Variants in MAML2 observed in about 807,000 individuals in gnomAD.
The protein encoded by MAML2 is mastermind like transcriptional coactivator 2, also known as mastermind-like protein 2.
MAML2 carries 22 observed loss-of-function variants against 96.1 expected under a neutral mutation model. The ratio of observed to expected loss-of-function variants is 0.23; its 90% CI spans 0.16 to 0.33. The LOEUF (loss-of-function observed/expected upper bound fraction) is 0.33, where lower values mean the gene tolerates loss of function less well. Ranked by LOEUF, MAML2 falls within the 10% of genes least tolerant of loss-of-function variation. MAML2 has a pLI of 1.00. For missense variants in MAML2, 1,367 were observed against 1,392.4 expected, an observed-to-expected ratio of 0.98 and a Z score of 0.29; for synonymous variants, 561 against 521.3, an observed-to-expected ratio of 1.08 and a Z score of -1.04.
rs1224445117 is a variant in MAML2, at chr11:96,092,235, TGC to T, written c.1794_1795del (p.Gln599AlafsTer131). The T allele has an allele frequency of 1.8e-5, 27 of 1,532,582 alleles. No homozygotes were observed. The highest frequency in any genetic ancestry group is 2.3e-5 in the Non-Finnish European group (26 of 1,133,082). The allele number at this position is 1,532,582 out of a possible 1,614,324, so 94.9% of individuals were successfully genotyped here. A position where few individuals can be genotyped will look rare whatever the true frequency, so the allele number is the denominator to read the frequency against. ...TTGCTGCTGCTGCTGCTGCTGCTGC[TGC>T]TGCTGCTGCTGCTGTTGCTGCTGTT... is the stretch of plus-strand genomic sequence containing the variant. On this transcript the variant is annotated frameshift_variant, in exon 2 of 5. Coordinates refer to ENST00000524717, the MANE Select transcript of MAML2 (RefSeq NM_032427.4). LOFTEE classifies it high-confidence loss of function. This position sits in a 1 kb window ranked among gnomAD's most constrained non-coding sequence, Gnocchi z 4.1.
chr11:95,990,644 TC>T (rs909114268), intron 3 of MAML2, among the ~76,000 whole-genome samples: 1 of 152,192 alleles, frequency 6.6e-6, no homozygotes, highest in African/African-American at 2.4e-5. Context: ...TTTATGGCTC[TC>T]CCCTCATTGC....
Position 96,306,817 on chromosome 11 carries a change from T to C in MAML2, c.513+34566A>G, listed in dbSNP as rs562246838. ...CACCATTCGTTACAAGGGGTCTTTA[T>C]ATGTAAAGCAGAAACATTTTTGTTT... is the stretch of plus-strand genomic sequence containing the variant. On this transcript the variant is annotated intron_variant, in intron 1 of 4. Coordinates refer to ENST00000524717, the MANE Select transcript of MAML2 (RefSeq NM_032427.4). Among the ~76,000 whole-genome samples, 5 of 152,314 alleles carry C rather than the reference T, an allele frequency of 3.3e-5. No homozygotes were observed. The South Asian group carries it at 8.3e-4, about 25-fold the overall frequency.
At chr11:96,147,990 G>C (rs1281008332) in intron 1 of MAML2, among the ~76,000 whole-genome samples, 2 of 152,114 alleles carry the variant, frequency 1.3e-5, no homozygotes, top group African/African-American at 4.8e-5. Context: ...TAAAATGCTG[G>C]GTGTTTATCT....
At chr11:96,033,258 C>T (rs1479281131) in intron 2 of MAML2, among the ~76,000 whole-genome samples, 1 of 152,174 alleles carries the variant, frequency 6.6e-6, no homozygotes, top group African/African-American at 2.4e-5. Context: ...AAACCCTTAC[C>T]TGCCCTGGGG....
At chr11:96,205,514 T>A (rs547359541) in intron 1 of MAML2, among the ~76,000 whole-genome samples, 68 of 152,344 alleles carry the variant, frequency 4.5e-4, no homozygotes, top group African/African-American at 1.5e-3. Flanking sequence ...TTTACTGTTT[T>A]TTAGGCAGAC....
chr11:96,055,666 A>G (rs1273516352), intron 2 of MAML2, among the ~76,000 whole-genome samples: 6 of 152,208 alleles, frequency 3.9e-5, no homozygotes. Context: ...GTCAAGCACA[A>G]AGAAAAAGGA....
intron 1 of MAML2, among the ~76,000 whole-genome samples, chr11:96,212,979 G>A (rs1238263562): frequency 1.3e-5 from 2 of 152,122 alleles, no homozygotes. Flanking sequence ...CAATTAGGAG[G>A]AATGGGTAAC....
intron 1 of MAML2, among the ~76,000 whole-genome samples, chr11:96,213,863 A>T (rs756546674): frequency 1.3e-4 from 20 of 152,166 alleles, no homozygotes; most frequent in Non-Finnish European, 2.5e-4. Context: ...CTCCCTTAAA[A>T]GTGGTCGGTT....
At chr11:96,041,040 C>T (rs1432764537) in intron 2 of MAML2, among the ~76,000 whole-genome samples, 4 of 152,094 alleles carry the variant, frequency 2.6e-5, no homozygotes, top group African/African-American at 9.7e-5. Context: ...TGTGATTATA[C>T]CACAATTTAT....
At chr11:96,097,131 A>T (rs369194094) in intron 1 of MAML2, among the ~76,000 whole-genome samples, 5 of 152,348 alleles carry the variant, frequency 3.3e-5, no homozygotes, top group African/African-American at 1.2e-4. Context: ...TTGCTGGACT[A>T]AAATTCTTTC....
At chr11:96,298,961 C>A (rs1472236927) in intron 1 of MAML2, among the ~76,000 whole-genome samples, 2 of 143,870 alleles carry the variant, frequency 1.4e-5, no homozygotes, top group Non-Finnish European at 3.0e-5. Context: ...AGGAGAATGG[C>A]GTGAACCCGG....
At chr11:96,038,546 C>A (rs2135753886) in intron 2 of MAML2, among the ~76,000 whole-genome samples, 1 of 152,330 alleles carries the variant, frequency 6.6e-6, no homozygotes, top group South Asian at 2.1e-4. Flanking sequence ...GGCACTTAAG[C>A]CCTATCTGGA....
rs568987606 is a variant in MAML2 at position 96,072,206 on chromosome 11, G to A, written c.2139+19686C>T. Among the ~76,000 whole-genome samples the A allele has an allele frequency of 2.6e-3, 401 of 152,146 alleles. 2 individuals are homozygous for A. The highest frequency in any genetic ancestry group is 9.3e-3 in the African/African-American group (388 of 41,500). On this transcript the variant is annotated intron_variant, in intron 2 of 4. Transcript: ENST00000524717. ...ACATAGCCCACTTGCCAAAAAAAAA[G>A]CTCTTGTTATAAGGTTAAGGCCACA...
chr11:96,201,050 GA>G (rs550616796), intron 1 of MAML2, among the ~76,000 whole-genome samples: 2 of 151,502 alleles, frequency 1.3e-5, no homozygotes, highest in African/African-American at 2.4e-5. Flanking sequence ...TAATAAAAAA[GA>G]AAAAAAAGTC....
At chr11:95,980,024 A>G (rs1565179675) in intron 4 of MAML2, 61 bp from the exon 5 acceptor site, 1 of 1,302,044 alleles carries the variant, frequency 7.7e-7, no homozygotes, top group Non-Finnish European at 1.1e-6. Context: ...CTGTAACTGC[A>G]CTTTTCAATA....
intron 2 of MAML2, among the ~76,000 whole-genome samples, chr11:96,042,632 C>T (rs1055113072): frequency 2.6e-5 from 4 of 152,128 alleles, no homozygotes; most frequent in Non-Finnish European, 5.9e-5. Context: ...GTCTTTAAGC[C>T]AGGCCTGTTC....
chr11:96,314,335 G>A (rs1863597953), intron 1 of MAML2, among the ~76,000 whole-genome samples: 1 of 152,122 alleles, frequency 6.6e-6, no homozygotes. Flanking sequence ...TGGTCTTTTT[G>A]GATTATTTCA....
intron 2 of MAML2, among the ~76,000 whole-genome samples, chr11:96,017,774 C>G (rs1463598727): frequency 6.6e-6 from 1 of 152,018 alleles, no homozygotes. Context: ...CGCCTGAAGC[C>G]TAGCAAGCAG....
At chr11:96,292,347 G>A (rs536651861) in intron 1 of MAML2, among the ~76,000 whole-genome samples, 3 of 152,216 alleles carry the variant, frequency 2.0e-5, no homozygotes, top group African/African-American at 4.8e-5. Context: ...TGAAGGGAAG[G>A]AAATGAATTT....
Sources: allele counts gnomAD v4.1 joint callset (sites outside exome capture counted in the v4.1 genomes callset), GRCh38; gene constraint gnomAD v4.1.1; non-coding constraint Gnocchi (gnomAD v3.1); transcripts MANE v1.5; gene names NCBI Gene and HGNC (gene_info 2026-07-23, HGNC 2026-07-21).